Variants in UBAP2 observed in about 807,000 individuals in gnomAD.
UBAP2 encodes ubiquitin-associated protein 2.
A neutral mutation model predicts 139.6 loss-of-function variants in UBAP2; 75 were observed. The observed-to-expected ratio is 0.54, with a 90% CI of 0.45 to 0.65. The LOEUF (loss-of-function observed/expected upper bound fraction) is 0.65. Among genes scored for constraint, UBAP2 ranks in the 30% least tolerant of loss-of-function variants. The probability of loss-of-function intolerance (pLI) is 0.00; values close to 1 mark genes in which losing one functional copy is unlikely to be tolerated. For missense variants in UBAP2, 1,368 were observed against 1,369.6 expected, an observed-to-expected ratio of 1.00 and a Z score of 0.02; for synonymous variants, 526 against 526.2, an observed-to-expected ratio of 1.00 and a Z score of 0.01.
At chr9:33,925,396 A>G (rs1823340422) in intron 22 of UBAP2, among the ~76,000 whole-genome samples, 1 of 152,204 alleles carries the variant, frequency 6.6e-6, no homozygotes, top group African/African-American at 2.4e-5. Context: ...TAGGCTCACA[A>G]GCAGCAGAGG....
At chr9:34,006,238 G>GAAA (rs796874509) in intron 2 of UBAP2, among the ~76,000 whole-genome samples, 1 of 81,936 alleles carries the variant, frequency 1.2e-5, no homozygotes, top group Non-Finnish European at 2.6e-5. Flanking sequence ...ATCTCAAAAA[G>GAAA]AAAAAAAAAA....
chr9:33,926,714 G>A (rs769054417), intron 21 of UBAP2, 50 bp from the exon 22 acceptor site: 2 of 1,602,608 alleles, frequency 1.2e-6, no homozygotes, highest in South Asian at 2.2e-5. Flanking sequence ...CCACACCCTG[G>A]GAAGCCCAGG....
chr9:34,031,479 TG>T (rs1248934471), intron 1 of UBAP2, among the ~76,000 whole-genome samples: 2 of 152,038 alleles, frequency 1.3e-5, no homozygotes, highest in African/African-American at 4.8e-5. Context: ...GGCTAATTTT[TG>T]TATTTTTAGT....
intron 6 of UBAP2, among the ~76,000 whole-genome samples, chr9:33,979,039 A>T (rs1587602293): frequency 6.6e-6 from 1 of 152,126 alleles, no homozygotes; most frequent in Non-Finnish European, 1.5e-5. Flanking sequence ...GGAGTTCAAG[A>T]CCAGCCTGGG....
intron 1 of UBAP2, among the ~76,000 whole-genome samples, chr9:34,045,562 C>A (rs1403531985): frequency 6.6e-6 from 1 of 151,684 alleles, no homozygotes; most frequent in Non-Finnish European, 1.5e-5. Flanking sequence ...TTAGTAGAGA[C>A]GGGGTTTCAC....
intron 1 of UBAP2, among the ~76,000 whole-genome samples, chr9:34,033,663 T>G (rs940729310): frequency 5.3e-5 from 8 of 151,890 alleles, no homozygotes; most frequent in Admixed American, 5.3e-4. Flanking sequence ...CTGCAACCTC[T>G]GCCTCCTGCG....
chr9:34,012,329 G>A (rs937265845), intron 2 of UBAP2, among the ~76,000 whole-genome samples: 2 of 152,096 alleles, frequency 1.3e-5, no homozygotes, highest in Non-Finnish European at 2.9e-5. Context: ...TCAGGAGTTC[G>A]AGAGCAGCCT....
Position 34,039,125 on chromosome 9 carries a change from A to T in UBAP2, c.-42+9700T>A, listed in dbSNP as rs554263401. On this transcript the variant is annotated intron_variant, in intron 1 of 28. Coordinates refer to ENST00000379238, the MANE Select transcript of UBAP2 (RefSeq NM_001370062.2). ...GAAGTGAGGAGCGTCTCCGCCCGGC[A>T]GCCGGCCCGTCTGGGAGGTGGGGGG... Among the ~76,000 whole-genome samples the T allele has an allele frequency of 3.3e-3, 502 of 150,548 alleles. 4 individuals carry two copies. Among genetic ancestry groups the T allele is most frequent in the Admixed American group, 0.023 (351 of 15,198 alleles).
In UBAP2 at chr9:33,926,791, G is replaced by A. The variant is rs554917991; in HGVS notation, c.2464-127C>T. ...CCCGGGAATGGGATCTGGATTAGCT[G>A]TTACGGGAACAGATCCTGCCTTCAC... On this transcript the variant is annotated intron_variant, in intron 21 of 28. Transcript: ENST00000379238. The A allele has an allele frequency of 2.6e-5, 28 of 1,097,938 alleles. No individual in the cohort carries two copies. In the African/African-American group the frequency reaches 3.8e-4, roughly 15 times the overall value. The allele number at this position is 1,097,938 out of a possible 1,614,324, so 68.0% of individuals were successfully genotyped here.
chr9:33,927,146 T>C, intron 20 of UBAP2, 66 bp from the exon 21 acceptor site: 2 of 1,289,784 alleles, frequency 1.6e-6, no homozygotes, highest in South Asian at 2.8e-5. Context: ...CCTCAGCTGC[T>C]TCAGGAGGAG....
intron 2 of UBAP2, among the ~76,000 whole-genome samples, chr9:34,009,807 T>G (rs1011465538): frequency 9.2e-6 from 1 of 108,380 alleles, no homozygotes; most frequent in Admixed American, 9.0e-5. Flanking sequence ...TTATATTTCC[T>G]TTTTTTTTTT....
At chr9:33,993,590 C>T (rs72727397) in intron 4 of UBAP2, among the ~76,000 whole-genome samples, 2,678 of 152,228 alleles carry the variant, frequency 0.018, 34 homozygotes, top group African/African-American at 0.034. Context: ...GGCATAAGCC[C>T]GGGAGGTCGA....
At chr9:34,025,123 C>T (rs779372036) in intron 1 of UBAP2, among the ~76,000 whole-genome samples, 5 of 152,106 alleles carry the variant, frequency 3.3e-5, no homozygotes, top group South Asian at 2.1e-4. Context: ...GAAACTAGAC[C>T]GTAAAAATCA....
intron 14 of UBAP2, 37 bp downstream of exon 14, chr9:33,944,328 C>A: frequency 6.3e-7 from 1 of 1,597,552 alleles, no homozygotes; most frequent in South Asian, 1.1e-5. Flanking sequence ...AAAATAATTC[C>A]AGCTTTAGGA....
At chr9:33,951,255 A>G (rs766075065) in intron 12 of UBAP2, among the ~76,000 whole-genome samples, 1 of 151,306 alleles carries the variant, frequency 6.6e-6, no homozygotes, top group Non-Finnish European at 1.5e-5. Flanking sequence ...GGCATCTCAT[A>G]ATCTTCCAGC....
Position 33,923,183 on chromosome 9 carries a change from T to C in UBAP2, c.3004+3A>G. On this transcript the variant is annotated splice_donor_region_variant and intron_variant, in intron 26 of 28. Transcript: ENST00000379238. ...TATCCTGGAAAGGAGAGGTAAACACTACCTTTGCCAGGCCCAGAACCTGCA... is the reference window on the plus strand; with the variant it reads ...TATCCTGGAAAGGAGAGGTAAACACCACCTTTGCCAGGCCCAGAACCTGCA... The C allele has an allele frequency of 6.2e-7, 1 of 1,614,136 alleles. No homozygotes were observed. Among genetic ancestry groups the C allele is most frequent in the Non-Finnish European group, 8.5e-7 (1 of 1,179,992 alleles).
intron 8 of UBAP2, among the ~76,000 whole-genome samples, chr9:33,965,262 T>C (rs1827358766): frequency 1.3e-5 from 2 of 152,232 alleles, no homozygotes; most frequent in Admixed American, 6.5e-5. Context: ...TTCCATTTTT[T>C]CCCCCCATTT....
intron 2 of UBAP2, among the ~76,000 whole-genome samples, chr9:34,014,184 G>C (rs564816813): frequency 6.6e-6 from 1 of 151,498 alleles, no homozygotes; most frequent in African/African-American, 2.4e-5. Flanking sequence ...AAAGTTAGCC[G>C]GGCATGGTGG....
intron 6 of UBAP2, among the ~76,000 whole-genome samples, chr9:33,973,774 G>A (rs1365916717): frequency 2.0e-5 from 3 of 152,076 alleles, no homozygotes; most frequent in Non-Finnish European, 4.4e-5. Context: ...AAATTTAAGA[G>A]CTAAAACTAT....
Sources: gnomAD v4.1 joint callset for allele counts (sites outside exome capture counted in the v4.1 genomes callset) on GRCh38, gnomAD v4.1.1 for gene constraint, MANE v1.5 for transcripts, NCBI Gene and HGNC (gene_info 2026-07-23, HGNC 2026-07-21) for gene names.